Variants in PRKCB observed in about 807,000 individuals in gnomAD.
PRKCB encodes protein kinase C beta, also known as protein kinase C beta type.
PRKCB carries 13 observed loss-of-function variants against 81.5 expected under a neutral mutation model. The observed-to-expected ratio is 0.16, with a 90% CI of 0.10 to 0.25. The LOEUF (loss-of-function observed/expected upper bound fraction) is 0.25. Among genes scored for constraint, PRKCB ranks in the 10% least tolerant of loss-of-function variants. PRKCB has a pLI of 1.00. For missense variants in PRKCB, 509 were observed against 875.7 expected (o/e 0.58, Z 5.29); for synonymous variants, 335 against 321.4 (o/e 1.04, Z -0.45).
chr16:24,069,442 T>G (rs1457496769), intron 5 of PRKCB, among the ~76,000 whole-genome samples: 1 of 152,014 alleles, frequency 6.6e-6, no homozygotes, highest in Non-Finnish European at 1.5e-5. Context: ...GTGTATAGAG[T>G]GCTTAAAACA....
At chr16:24,203,917 T>C (rs1230324734) in intron 16 of PRKCB, among the ~76,000 whole-genome samples, 3 of 152,128 alleles carry the variant, frequency 2.0e-5, no homozygotes, top group Non-Finnish European at 4.4e-5. Context: ...CTTTGTCTTG[T>C]AGCTTCCTGC....
At chr16:23,985,986 A>G (rs968696128) in intron 2 of PRKCB, among the ~76,000 whole-genome samples, 3 of 152,174 alleles carry the variant, frequency 2.0e-5, no homozygotes, top group Non-Finnish European at 4.4e-5. Flanking sequence ...TCAATAAAGG[A>G]TGCTGGGACA....
At chr16:23,893,715 G>A (rs142827152) in intron 2 of PRKCB, 1 of 152,244 alleles carries the variant, frequency 6.6e-6, no homozygotes, top group Non-Finnish European at 1.5e-5. Flanking sequence ...CTGTGCTCTA[G>A]TGTAAACATT....
At chr16:24,116,056 G>A (rs1483697338) in intron 8 of PRKCB, among the ~76,000 whole-genome samples, 1 of 152,142 alleles carries the variant, frequency 6.6e-6, no homozygotes, top group Non-Finnish European at 1.5e-5. Context: ...TACCACACGT[G>A]GTATATTTCA....
intron 2 of PRKCB, among the ~76,000 whole-genome samples, chr16:23,868,943 G>C (rs1346562031): frequency 6.6e-6 from 1 of 152,212 alleles, no homozygotes; most frequent in Non-Finnish European, 1.5e-5. Flanking sequence ...AAGGGAGAGA[G>C]AATGCCTGTG....
intron 2 of PRKCB, among the ~76,000 whole-genome samples, chr16:23,909,643 C>G (rs1325142700): frequency 2.0e-5 from 3 of 152,134 alleles, no homozygotes; most frequent in Non-Finnish European, 4.4e-5. Flanking sequence ...CACTATCATT[C>G]CACACTCTAT....
chr16:24,049,054 T>TTTTTTTC (rs1965802994), intron 5 of PRKCB, among the ~76,000 whole-genome samples: 1 of 134,246 alleles, frequency 7.4e-6, no homozygotes, highest in Non-Finnish European at 1.6e-5. Context: ...CCTGTTTTTT[T>TTTTTTTC]TTTTTTTTTT....
rs189914352 is a variant in PRKCB, at chr16:23,995,299, G to A, written c.288+6709G>A. On this transcript the variant is annotated intron_variant, in intron 3 of 16. Transcript: ENST00000643927. ...TTCAGTAGGGCCCAGAACAGTAGAA[G>A]GCTCTGCAACAGGTCCAGACTGCTG... is the stretch of plus-strand genomic sequence containing the variant. Among the ~76,000 whole-genome samples the A allele has an allele frequency of 8.0e-3, 1,221 of 152,294 alleles. 11 individuals are homozygous for A. Among genetic ancestry groups the A allele is most frequent in the Middle Eastern group, 0.014 (4 of 294 alleles).
intron 3 of PRKCB, among the ~76,000 whole-genome samples, chr16:24,025,734 A>G (rs917615678): frequency 2.0e-5 from 3 of 152,202 alleles, no homozygotes; most frequent in Non-Finnish European, 4.4e-5. Context: ...TGCTAGGTGA[A>G]TGAACGAATG....
chr16:23,884,168 C>A (rs371175589), intron 2 of PRKCB, among the ~76,000 whole-genome samples: 2 of 152,156 alleles, frequency 1.3e-5, no homozygotes, highest in Admixed American at 1.3e-4. Flanking sequence ...GAAAGAGAGT[C>A]TCAGAGAGTA....
intron 3 of PRKCB, among the ~76,000 whole-genome samples, chr16:24,023,542 G>A (rs940300825): frequency 4.6e-5 from 7 of 152,036 alleles, no homozygotes; most frequent in Admixed American, 4.6e-4. Flanking sequence ...CTAATTTTTT[G>A]TATTTTTAGT....
intron 7 of PRKCB, 39 bp from the exon 8 acceptor site, chr16:24,112,934 G>C (rs375302170): frequency 2.4e-5 from 32 of 1,349,646 alleles, no homozygotes; most frequent in African/African-American, 5.9e-5. Context: ...ATACCGAGTC[G>C]AGTCATGAAA....
chr16:23,898,490 G>A (rs750393000), intron 2 of PRKCB, among the ~76,000 whole-genome samples: 3 of 152,002 alleles, frequency 2.0e-5, no homozygotes, highest in Admixed American at 6.6e-5. Flanking sequence ...AGACAGACAA[G>A]CAAATAATTA....
intron 9 of PRKCB, among the ~76,000 whole-genome samples, chr16:24,139,895 T>C (rs530191934): frequency 6.6e-6 from 1 of 152,334 alleles, no homozygotes; most frequent in East Asian, 1.9e-4. Flanking sequence ...CGAAAAGTGC[T>C]GCAGTCCTAC....
At position 23,910,291 on chromosome 16, in the gene PRKCB, G is replaced by A. The variant is rs573731911; in HGVS notation, c.205+72885G>A. On this transcript the variant is annotated intron_variant, in intron 2 of 16. Coordinates refer to ENST00000643927, the MANE Select transcript of PRKCB (RefSeq NM_002738.7). The stretch of plus-strand genomic sequence containing the variant: ...CCATCAACATTGGTTTCATCCTTTA[G>A]AGCAAAGTTTCCCCAAGCGCCTGGT... Among the ~76,000 whole-genome samples, 6 of 152,286 alleles carry A rather than the reference G, an allele frequency of 3.9e-5. No homozygotes were observed. The South Asian group carries it at 1.2e-3, about 32-fold the overall frequency.
chr16:24,038,563 T>A (rs1965654265), intron 5 of PRKCB, among the ~76,000 whole-genome samples: 1 of 152,250 alleles, frequency 6.6e-6, no homozygotes, highest in Non-Finnish European at 1.5e-5. Flanking sequence ...CACAATGCCC[T>A]GCAATTGCCC....
rs1342964674 is a variant in PRKCB, at chr16:24,174,504, T to G, written c.1332-14T>G. 1.2e-6 allele frequency: 2 copies of G among 1,607,472 alleles called. No homozygotes were observed. The highest frequency in any genetic ancestry group is 1.7e-6 in the Non-Finnish European group (2 of 1,177,800). On this transcript the variant is annotated splice_polypyrimidine_tract_variant and intron_variant, in intron 11 of 16. Transcript: ENST00000643927. ...TGAGTTTCTCCATCGCTTTTTTTTT[T>G]TTTTTAATTTCAGATTTTACGCTGC... is the stretch of plus-strand genomic sequence containing the variant.
intron 9 of PRKCB, among the ~76,000 whole-genome samples, chr16:24,135,757 AT>A (rs1430188320): frequency 1.3e-5 from 2 of 152,182 alleles, no homozygotes; most frequent in African/African-American, 4.8e-5. Flanking sequence ...GTCTCTACTA[AT>A]TTTAATCTCA....
At position 23,924,833 on chromosome 16, in the gene PRKCB, A is replaced by G. The variant is rs191644962; in HGVS notation, c.206-63675A>G. 3.9e-5 allele frequency among the ~76,000 whole-genome samples: 6 copies of G among 152,240 alleles called. No homozygotes were observed. In the East Asian group the frequency reaches 1.2e-3, roughly 29 times the overall value. On this transcript the variant is annotated intron_variant, in intron 2 of 16. Transcript: ENST00000643927. ...TACATGTAGGAAAACATCATGTTGT[A>G]CACTACAGATGTATACAATTTTTAC... is the stretch of plus-strand genomic sequence containing the variant.
Sources: allele counts gnomAD v4.1 joint callset (sites outside exome capture counted in the v4.1 genomes callset), GRCh38; gene constraint gnomAD v4.1.1; transcripts MANE v1.5; gene names NCBI Gene and HGNC (gene_info 2026-07-23, HGNC 2026-07-21).